The following CARD14 variants were observed in gnomAD, a reference collection of about 807,000 sequenced individuals.
CARD14 encodes caspase recruitment domain-containing protein 14.
CARD14 carries 107 observed loss-of-function variants against 111.5 expected under a neutral mutation model. The observed-to-expected ratio is 0.96, with a 90% CI of 0.82 to 1.13. The LOEUF (loss-of-function observed/expected upper bound fraction) is 1.13. Ranked by LOEUF, CARD14 falls within the 50% of genes most tolerant of loss-of-function variation. The probability of loss-of-function intolerance (pLI) is 0.00; values close to 1 mark genes in which losing one functional copy is unlikely to be tolerated. For synonymous variants in CARD14, 617 were observed against 579.6 expected (o/e 1.06, Z -0.93); for missense variants, 1,322 against 1,362.3 (o/e 0.97, Z 0.47).
intron 12 of CARD14, 144 bp downstream of exon 12, chr17:80,192,763 T>A: frequency 1.7e-6 from 1 of 580,856 alleles, no homozygotes; most frequent in Non-Finnish European, 3.0e-6. Flanking sequence ...TTATTTTATT[T>A]TATTTTTTGA....
At position 80,201,355 on chromosome 17, in the gene CARD14, C is replaced by T. The variant is rs369410888; in HGVS notation, c.1852-389C>T. 20 of 196,002 alleles carry T rather than the reference C, an allele frequency of 1.0e-4. No individual in the cohort carries two copies. Among genetic ancestry groups the T allele is most frequent in the South Asian group, 8.1e-4 (11 of 13,608 alleles). The allele number at this position is 196,002 out of a possible 1,614,324, so 12.1% of individuals were successfully genotyped here. On this transcript the variant is annotated intron_variant, in intron 16 of 23. Coordinates refer to ENST00000648509, the MANE Select transcript of CARD14 (RefSeq NM_001366385.1). This position sits in a 1 kb window ranked among gnomAD's most constrained non-coding sequence, Gnocchi z 5.0. ...ATGCCACTCAGCATCCTGTAGGGCC[C>T]GGTATAGCCCGCAGCAGCACAGAAT...
At chr17:80,208,107 A>G in intron 23 of CARD14, 31 bp from the exon 24 acceptor site, 2 of 1,398,648 alleles carry the variant, frequency 1.4e-6, no homozygotes, top group South Asian at 1.4e-5. Context: ...CTCTCCCCTG[A>G]GCCCGCCCCC....
At chr17:80,175,574 G>A (rs2040005357) in intron 2 of CARD14, among the ~76,000 whole-genome samples, 2 of 152,146 alleles carry the variant, frequency 1.3e-5, no homozygotes, top group Non-Finnish European at 2.9e-5. Context: ...GTCAGCTGAG[G>A]TGAACAGGGA....
rs750454014 is a variant in CARD14 at position 80,198,110 on chromosome 17, C to A, written c.1606C>A (p.Leu536Met). The change falls in exon 15 of 24, where the codon CTG becomes ATG. Residue 536 changes from leucine (L) to methionine (M), a missense_variant. Coordinates refer to ENST00000648509, the MANE Select transcript of CARD14 (RefSeq NM_001366385.1). The surrounding 1 kb of genome is among the most constrained non-coding windows in gnomAD (Gnocchi z 7.5). ...ELLDTADLPQ[L>M]ESSLQPVSPG... ...TGGCTTCCTCCCAGACCTTCCGCAGCTGGAAAGCAGCCTGCAGCCAGTCTC... is the reference window on the plus strand; with the variant it reads ...TGGCTTCCTCCCAGACCTTCCGCAGATGGAAAGCAGCCTGCAGCCAGTCTC... The A allele has an allele frequency of 6.2e-7, 1 of 1,613,628 alleles. No homozygotes were observed. Among genetic ancestry groups the A allele is most frequent in the Non-Finnish European group, 8.5e-7 (1 of 1,179,984 alleles).
chr17:80,205,287 C>T (rs1456967385), intron 21 of CARD14, 82 bp downstream of exon 21: 45 of 1,192,948 alleles, frequency 3.8e-5, no homozygotes, highest in Non-Finnish European at 5.9e-6. Flanking sequence ...TCCTCCCCTT[C>T]CTCCCTCCTC....
rs146436116 is a variant in CARD14, at chr17:80,177,886, C to A, written c.-366-622C>A. 2.0e-5 allele frequency among the ~76,000 whole-genome samples: 3 copies of A among 152,178 alleles called. No individual in the cohort carries two copies. The East Asian group carries it at 5.8e-4, about 29-fold the overall frequency. On this transcript the variant is annotated intron_variant, in intron 2 of 23. Coordinates refer to ENST00000648509, the MANE Select transcript of CARD14 (RefSeq NM_001366385.1). ...AGGGCACCCATCCCTGGACTAGGGC[C>A]CACCCTAATGACCTCAACTTGATTA...
chr17:80,190,754 ATG>A lies in CARD14; in HGVS notation c.964-16_964-15del. 1 of 1,613,712 alleles carries A rather than the reference ATG, an allele frequency of 6.2e-7. No individual in the cohort carries two copies. Among genetic ancestry groups the A allele is most frequent in the Non-Finnish European group, 8.5e-7 (1 of 1,179,800 alleles). ...TCAGAGCTGCTGAGCTTCACGGTCC[ATG>A]TGTCCCACTCTGTCCAGTACTGGGA... On this transcript the variant is annotated intron_variant, in intron 9 of 23. Coordinates refer to ENST00000648509, the MANE Select transcript of CARD14 (RefSeq NM_001366385.1).
rs753524546 is a variant in CARD14, at chr17:80,201,898, C to A, written c.1978+28C>A. ...ACACATACCACTCCTCTCGTGTGCACAGCTGCCTGGCCAGACTCCATGACC... is the reference window on the plus strand; with the variant it reads ...ACACATACCACTCCTCTCGTGTGCAAAGCTGCCTGGCCAGACTCCATGACC... On this transcript the variant is annotated intron_variant, in intron 17 of 23. Transcript: ENST00000648509. The surrounding 1 kb of genome is among the most constrained non-coding windows in gnomAD (Gnocchi z 5.0). 1 of 1,588,198 alleles carries A rather than the reference C, an allele frequency of 6.3e-7. No homozygotes were observed. The highest frequency in any genetic ancestry group is 8.6e-7 in the Non-Finnish European group (1 of 1,165,348).
chr17:80,186,154 G>A (rs143160186), intron 7 of CARD14, among the ~76,000 whole-genome samples: 3,166 of 152,262 alleles, frequency 0.021, 39 homozygotes, highest in South Asian at 0.049. Context: ...TGTGAATGAC[G>A]ACCGTGCCAG....
Position 80,189,257 on chromosome 17 carries a change from A to C in CARD14, c.844-496A>C, listed in dbSNP as rs990129733. 6.6e-6 allele frequency among the ~76,000 whole-genome samples: 1 copy of C among 152,232 alleles called. No individual in the cohort carries two copies. The highest frequency in any genetic ancestry group is 1.5e-5 in the Non-Finnish European group (1 of 68,038). On this transcript the variant is annotated intron_variant, in intron 8 of 23. Coordinates refer to ENST00000648509, the MANE Select transcript of CARD14 (RefSeq NM_001366385.1). This position sits in a 1 kb window ranked among gnomAD's most constrained non-coding sequence, Gnocchi z 4.7. ...AGAGAGGGGGGCTCTGAAGTGGAGCAGTGAGTGAGCAACGACCCTTGGCGT... is the reference window on the plus strand; with the variant it reads ...AGAGAGGGGGGCTCTGAAGTGGAGCCGTGAGTGAGCAACGACCCTTGGCGT...
rs73438197 is a variant in CARD14 at position 80,176,906 on chromosome 17, C to T, written c.-366-1602C>T. On this transcript the variant is annotated intron_variant, in intron 2 of 23. Transcript: ENST00000648509. ...GGGAGTGTGCCCATTGGCAGCGCAT[C>T]CCTGGAGATGGACGGACAATTTCCA... 1.6e-3 allele frequency among the ~76,000 whole-genome samples: 246 copies of T among 152,300 alleles called. 1 individual carries two copies. Among genetic ancestry groups the T allele is most frequent in the African/African-American group, 5.7e-3 (236 of 41,564 alleles).
rs1414581173 is a variant in CARD14, at chr17:80,178,660, G to C, written c.-219+5G>C. On this transcript the variant is annotated splice_donor_5th_base_variant and intron_variant, in intron 3 of 23. Coordinates refer to ENST00000648509, the MANE Select transcript of CARD14 (RefSeq NM_001366385.1). ...AAAGCAAACCTGAGAACCTTGGTGAGTACTTCCGGAGACCCGGCTCCTGGG... is the reference window on the plus strand; with the variant it reads ...AAAGCAAACCTGAGAACCTTGGTGACTACTTCCGGAGACCCGGCTCCTGGG... The C allele has an allele frequency of 1.3e-5, 2 of 152,346 alleles. No individual in the cohort carries two copies. The highest frequency in any genetic ancestry group is 1.3e-4 in the Admixed American group (2 of 15,278). The allele number at this position is 152,346 out of a possible 1,614,324, so 9.4% of individuals were successfully genotyped here. A position where few individuals can be genotyped will look rare whatever the true frequency, so the allele number is the denominator to read the frequency against.
At chr17:80,180,742 A>ATTTGTTTG (rs57097861) in intron 4 of CARD14, among the ~76,000 whole-genome samples, 1 of 145,336 alleles carries the variant, frequency 6.9e-6, no homozygotes, top group Non-Finnish European at 1.5e-5. Flanking sequence ...CCCTACTGTT[A>ATTTGTTTG]TTTGTTTGTT....
At chr17:80,196,425 A>G (rs755340) in intron 14 of CARD14, 116,081 of 152,192 alleles carry the variant, frequency 0.76, 44,527 homozygotes, top group Middle Eastern at 0.84. Context: ...AGATGAGAAG[A>G]GGGGCTTATT....
rs1445095078 is a variant in CARD14, at chr17:80,192,242, G to A, written c.1240-261G>A. On this transcript the variant is annotated intron_variant, in intron 11 of 23. Transcript: ENST00000648509. ...TATGTGTGTGTATTATACATTATTCGTAAAACTAGTAAATCACACATATTC... is the reference window on the plus strand; with the variant it reads ...TATGTGTGTGTATTATACATTATTCATAAAACTAGTAAATCACACATATTC... The A allele has an allele frequency of 2.5e-5, 9 of 358,580 alleles. No homozygotes were observed. The Admixed American group carries it at 3.1e-4, about 12-fold the overall frequency. 22.2% of individuals were successfully genotyped at this position (358,580 alleles called of 1,614,324 possible). A position where few individuals can be genotyped will look rare whatever the true frequency, so the allele number is the denominator to read the frequency against.
At chr17:80,190,975 C>T (rs2040507738) in intron 10 of CARD14, 76 bp downstream of exon 10, 9 of 1,553,118 alleles carry the variant, frequency 5.8e-6, no homozygotes, top group African/African-American at 2.7e-5. Context: ...GGGACAGTCT[C>T]GTGGCTCCCT....
chr17:80,183,808 C>CTGCCCACA, intron 6 of CARD14, 105 bp from the exon 7 acceptor site: 1 of 922,482 alleles, frequency 1.1e-6, no homozygotes, highest in Non-Finnish European at 1.6e-6. Flanking sequence ...ACATGCTCAC[C>CTGCCCACA]TGCCCACATG....
At position 80,203,677 on chromosome 17, in the gene CARD14, C is replaced by G; in HGVS notation, c.2220-145C>G. 1.6e-6 allele frequency: 1 copy of G among 607,348 alleles called. No homozygotes were observed. Among genetic ancestry groups the G allele is most frequent in the Non-Finnish European group, 2.9e-6 (1 of 341,496 alleles). The allele number at this position is 607,348 out of a possible 1,614,324, so 37.6% of individuals were successfully genotyped here. On this transcript the variant is annotated intron_variant, in intron 18 of 23. Coordinates refer to ENST00000648509, the MANE Select transcript of CARD14 (RefSeq NM_001366385.1). The surrounding 1 kb of genome is among the most constrained non-coding windows in gnomAD (Gnocchi z 4.6). ...GGCCGCCAGGATGGAGCGCTCCAGC[C>G]TGCAGCAAAGGGATGTGTGGAGCTC...
Position 80,205,582 on chromosome 17 carries a change from T to A in CARD14, c.2621T>A (p.Ile874Asn). The A allele has an allele frequency of 6.3e-7, 1 of 1,576,216 alleles. No individual in the cohort carries two copies. The highest frequency in any genetic ancestry group is 8.6e-7 in the Non-Finnish European group (1 of 1,160,446). ...YEAWSQRGDI[I>N]QEGEVSGGRC... ...GCCTGGAGCCAGAGAGGGGACATCATCCAGGAGGGAGAGGTGTCCGGGGGC... is the reference window on the plus strand; with the variant it reads ...GCCTGGAGCCAGAGAGGGGACATCAACCAGGAGGGAGAGGTGTCCGGGGGC... The change falls in exon 22 of 24, where the codon ATC (isoleucine) becomes AAC (asparagine). Residue 874 changes from isoleucine to asparagine, a missense_variant. Coordinates refer to ENST00000648509, the MANE Select transcript of CARD14 (RefSeq NM_001366385.1).
Sources: gnomAD v4.1 joint callset for allele counts (sites outside exome capture counted in the v4.1 genomes callset) on GRCh38, gnomAD v4.1.1 for gene constraint, Gnocchi (gnomAD v3.1) non-coding constraint, MANE v1.5 for transcripts, NCBI Gene and HGNC (gene_info 2026-07-23, HGNC 2026-07-21) for gene names.